CRTC3: variants seen among roughly 807,000 people sequenced by gnomAD.
CRTC3 encodes CREB regulated transcription coactivator 3.
A neutral mutation model predicts 74.5 loss-of-function variants in CRTC3; 26 were observed. The observed-to-expected ratio is 0.35, with a 90% CI of 0.26 to 0.48. The LOEUF (loss-of-function observed/expected upper bound fraction) is 0.48. Ranked by LOEUF, CRTC3 falls within the 20% of genes least tolerant of loss-of-function variation. The pLI is 0.99. For synonymous variants in CRTC3, 377 were observed against 325.8 expected (o/e 1.16, Z -1.69); for missense variants, 760 against 787.3 (o/e 0.97, Z 0.41).
intron 2 of CRTC3, among the ~76,000 whole-genome samples, chr15:90,590,286 C>T (rs1967769867): frequency 6.6e-6 from 1 of 151,580 alleles, no homozygotes; most frequent in Non-Finnish European, 1.5e-5. Context: ...CAGCAAAACT[C>T]CGTCTCAAAA....
rs5814439 is a variant in CRTC3, at chr15:90,551,944, G to GCACA, written c.231+11828_231+11831dup. Among the ~76,000 whole-genome samples, 1,077 of 129,252 alleles carry GCACA rather than the reference G, an allele frequency of 8.3e-3. 45 individuals carry two copies. The highest frequency in any genetic ancestry group is 0.027 in the Admixed American group (359 of 13,360). 84.8% of individuals were successfully genotyped at this position (129,252 alleles called of 152,430 possible). ...ATTACACACACGCACACACACACAC[G>GCACA]CACACACACACACACACACACACAA... On this transcript the variant is annotated intron_variant, in intron 2 of 14. Coordinates refer to ENST00000268184, the MANE Select transcript of CRTC3 (RefSeq NM_022769.5).
At chr15:90,616,482 C>T (rs1036427652) in intron 7 of CRTC3, among the ~76,000 whole-genome samples, 3 of 152,188 alleles carry the variant, frequency 2.0e-5, no homozygotes, top group Admixed American at 1.3e-4. Flanking sequence ...CATGTGACTT[C>T]TTTCTGGGGT....
At chr15:90,620,841 C>T (rs1427185412) in intron 9 of CRTC3, among the ~76,000 whole-genome samples, 1 of 152,192 alleles carries the variant, frequency 6.6e-6, no homozygotes, top group African/African-American at 2.4e-5. Flanking sequence ...AAATCCACTT[C>T]AAGCAGTCAT....
At chr15:90,580,751 C>A (rs1056686254) in intron 2 of CRTC3, among the ~76,000 whole-genome samples, 5 of 151,952 alleles carry the variant, frequency 3.3e-5, no homozygotes, top group Non-Finnish European at 5.9e-5. Context: ...GTTTGTTTGA[C>A]AAAAGGAATG....
intron 1 of CRTC3, among the ~76,000 whole-genome samples, chr15:90,532,748 C>T (rs990725750): frequency 3.9e-5 from 6 of 152,042 alleles, no homozygotes; most frequent in South Asian, 2.1e-4. Context: ...GAAGGGAGTA[C>T]TAGGAGGAGG....
intron 2 of CRTC3, among the ~76,000 whole-genome samples, chr15:90,591,622 G>C (rs754327718): frequency 4.6e-5 from 7 of 152,192 alleles, no homozygotes; most frequent in Non-Finnish European, 1.0e-4. Flanking sequence ...TTCAAGACCA[G>C]TCTGGCCAAA....
At chr15:90,570,419 G>C (rs908722396) in intron 2 of CRTC3, among the ~76,000 whole-genome samples, 1 of 152,134 alleles carries the variant, frequency 6.6e-6, no homozygotes, top group African/African-American at 2.4e-5. Flanking sequence ...ACCCTCATTA[G>C]AAAAGTCGGT....
At chr15:90,536,470 G>A (rs184863740) in intron 1 of CRTC3, among the ~76,000 whole-genome samples, 4 of 146,378 alleles carry the variant, frequency 2.7e-5, no homozygotes, top group African/African-American at 1.0e-4. Context: ...ACTCCAGCCT[G>A]GGCAACAGAG....
intron 11 of CRTC3, among the ~76,000 whole-genome samples, chr15:90,637,227 A>C (rs1294912978): frequency 1.3e-5 from 2 of 152,246 alleles, no homozygotes; most frequent in Non-Finnish European, 2.9e-5. Flanking sequence ...TGCAGCCATA[A>C]AAAATGATGA....
At chr15:90,587,736 C>T (rs1967698519) in intron 2 of CRTC3, among the ~76,000 whole-genome samples, 2 of 152,118 alleles carry the variant, frequency 1.3e-5, no homozygotes, top group African/African-American at 4.8e-5. Flanking sequence ...GCCTCAGCCT[C>T]CCAAGTAGCT....
At chr15:90,598,662 A>G (rs926568666) in intron 3 of CRTC3, 7 of 620,746 alleles carry the variant, frequency 1.1e-5, no homozygotes, top group Admixed American at 2.6e-5. Flanking sequence ...GATTGGTTGG[A>G]TTTTTGGTAG....
At chr15:90,611,608 A>T (rs1241377160) in intron 6 of CRTC3, among the ~76,000 whole-genome samples, 1 of 152,164 alleles carries the variant, frequency 6.6e-6, no homozygotes, top group Non-Finnish European at 1.5e-5. Context: ...ACCGCAGCCC[A>T]GACCCTGAGA....
rs34296183 is a variant in CRTC3, at chr15:90,550,448, G to GT, written c.231+10324dup. On this transcript the variant is annotated intron_variant, in intron 2 of 14. Coordinates refer to ENST00000268184, the MANE Select transcript of CRTC3 (RefSeq NM_022769.5). ...TCATTTCCCTTATTTTCCTTTGCCTGTTTTTTTTTTTTTGAGTCTATAAAA... is the reference window on the plus strand; with the variant it reads ...TCATTTCCCTTATTTTCCTTTGCCTGTTTTTTTTTTTTTTGAGTCTATAAAA... Among the ~76,000 whole-genome samples the GT allele has an allele frequency of 4.6e-3, 650 of 142,724 alleles. 10 individuals carry two copies. The highest frequency in any genetic ancestry group is 9.3e-3 in the African/African-American group (359 of 38,640). The allele number at this position is 142,724 out of a possible 152,430, so 93.6% of individuals were successfully genotyped here.
At chr15:90,596,394 T>C (rs533433985) in intron 3 of CRTC3, 31 of 152,322 alleles carry the variant, frequency 2.0e-4, no homozygotes, top group African/African-American at 7.5e-4. Flanking sequence ...TAGGGTATAA[T>C]CTGGCACTGT....
chr15:90,562,033 C>T (rs1057055417), intron 2 of CRTC3, among the ~76,000 whole-genome samples: 4 of 152,192 alleles, frequency 2.6e-5, no homozygotes, highest in African/African-American at 9.6e-5. Context: ...TTGGCTGCCT[C>T]GACAACAGAT....
chr15:90,631,266 A>G (rs1333968739), intron 11 of CRTC3, among the ~76,000 whole-genome samples: 1 of 152,082 alleles, frequency 6.6e-6, no homozygotes, highest in African/African-American at 2.4e-5. Flanking sequence ...ATAATTTTTA[A>G]GTCTCACTCT....
At chr15:90,559,699 A>G (rs1966970915) in intron 2 of CRTC3, among the ~76,000 whole-genome samples, 1 of 152,206 alleles carries the variant, frequency 6.6e-6, no homozygotes, top group Non-Finnish European at 1.5e-5. Context: ...ATCTTGGCTC[A>G]CTGCAACCTC....
At position 90,632,827 on chromosome 15, in the gene CRTC3, A is replaced by T. The variant is rs1244586383; in HGVS notation, c.1266+3295A>T. The stretch of plus-strand genomic sequence containing the variant: ...ACCATGTTAGCCAGGCTGGTTTCGA[A>T]CTCCTGACCTCAGGCAGTCTGCCCG... On this transcript the variant is annotated intron_variant, in intron 11 of 14. Coordinates refer to ENST00000268184, the MANE Select transcript of CRTC3 (RefSeq NM_022769.5). Among the ~76,000 whole-genome samples, 3 of 152,058 alleles carry T rather than the reference A, an allele frequency of 2.0e-5. No individual in the cohort carries two copies. The East Asian group carries it at 5.8e-4, about 29-fold the overall frequency.
chr15:90,545,801 A>G (rs1036140207), intron 2 of CRTC3, among the ~76,000 whole-genome samples: 2 of 151,758 alleles, frequency 1.3e-5, no homozygotes, highest in South Asian at 2.1e-4. Context: ...GATGGTCTCC[A>G]TCTCCTGACT....
Sources: gnomAD v4.1 joint callset for allele counts (sites outside exome capture counted in the v4.1 genomes callset) on GRCh38, gnomAD v4.1.1 for gene constraint, MANE v1.5 for transcripts, NCBI Gene and HGNC (gene_info 2026-07-23, HGNC 2026-07-21) for gene names.